The following TRPM6 variants were observed in gnomAD, a reference collection of about 807,000 sequenced individuals.
The protein encoded by TRPM6 is channel kinase 2.
TRPM6 carries 111 observed loss-of-function variants against 247.6 expected under a neutral mutation model. The ratio of observed to expected loss-of-function variants is 0.45; its 90% CI spans 0.38 to 0.52. The LOEUF is 0.52. Among genes scored for constraint, TRPM6 ranks in the 20% least tolerant of loss-of-function variants. TRPM6 has a pLI of 0.00. For synonymous variants in TRPM6, 892 were observed against 853.8 expected, an observed-to-expected ratio of 1.04 and a Z score of -0.78; for missense variants, 2,126 against 2,421.5, an observed-to-expected ratio of 0.88 and a Z score of 2.56.
intron 21 of TRPM6, among the ~76,000 whole-genome samples, chr9:74,784,028 A>G (rs1227649178): frequency 6.6e-6 from 1 of 152,050 alleles, no homozygotes; most frequent in Admixed American, 6.6e-5. Flanking sequence ...GGCCGAGGCG[A>G]GCGGATCACT....
chr9:74,784,897 A>T (rs1827592099), intron 21 of TRPM6, among the ~76,000 whole-genome samples: 1 of 152,124 alleles, frequency 6.6e-6, no homozygotes, highest in Non-Finnish European at 1.5e-5. Context: ...GGATCATTTG[A>T]GCTCAGGAGT....
chr9:74,742,194 T>G (rs1240727285), intron 33 of TRPM6, among the ~76,000 whole-genome samples: 1 of 152,256 alleles, frequency 6.6e-6, no homozygotes, highest in Admixed American at 6.5e-5. Context: ...TCTCTTCAGA[T>G]GCCTGTTGGC....
At chr9:74,862,704 G>A (rs767802203) in intron 1 of TRPM6, among the ~76,000 whole-genome samples, 28 of 152,152 alleles carry the variant, frequency 1.8e-4, no homozygotes, top group Non-Finnish European at 2.8e-4. Context: ...AAAATTGTCC[G>A]GGTGTGGTGG....
intron 2 of TRPM6, among the ~76,000 whole-genome samples, chr9:74,856,821 T>C (rs1359254253): frequency 1.3e-5 from 2 of 152,052 alleles, no homozygotes; most frequent in Non-Finnish European, 1.5e-5. Flanking sequence ...AAGCCTCAAT[T>C]CTGAGAATTT....
chr9:74,779,027 C>G (rs779098273), intron 23 of TRPM6, among the ~76,000 whole-genome samples: 3 of 152,134 alleles, frequency 2.0e-5, no homozygotes, highest in Non-Finnish European at 4.4e-5. Context: ...CCCCTGAGAG[C>G]AAACGGGCAG....
chr9:74,771,682 G>T, intron 25 of TRPM6, 21 bp downstream of exon 25: 1 of 1,611,270 alleles, frequency 6.2e-7, no homozygotes. Flanking sequence ...TTTCAGAATG[G>T]AAAAGATTTA....
intron 3 of TRPM6, among the ~76,000 whole-genome samples, chr9:74,851,000 T>G (rs1830290036): frequency 2.0e-5 from 3 of 152,238 alleles, no homozygotes; most frequent in South Asian, 2.1e-4. Flanking sequence ...TCTGGAGAGA[T>G]AACTCATTAT....
intron 36 of TRPM6, among the ~76,000 whole-genome samples, chr9:74,733,580 A>G (rs975877949): frequency 7.2e-5 from 11 of 152,236 alleles, no homozygotes; most frequent in African/African-American, 2.4e-4. Flanking sequence ...CCTCATTTAC[A>G]TCAATGAGTA....
At chr9:74,869,700 G>A (rs760962623) in intron 1 of TRPM6, among the ~76,000 whole-genome samples, 17 of 151,934 alleles carry the variant, frequency 1.1e-4, no homozygotes, top group Non-Finnish European at 2.4e-4. Flanking sequence ...TTTATTTTAT[G>A]TTGAGAAAAC....
chr9:74,751,995 G>A (rs907462842), intron 29 of TRPM6, among the ~76,000 whole-genome samples: 12 of 152,122 alleles, frequency 7.9e-5, no homozygotes, highest in African/African-American at 2.4e-4. Context: ...AAACAGTTTC[G>A]AAAACTCCTG....
At chr9:74,838,719 CATCTCGTGTAG>C (rs1829810936) in intron 5 of TRPM6, among the ~76,000 whole-genome samples, 1 of 151,380 alleles carries the variant, frequency 6.6e-6, no homozygotes, top group African/African-American at 2.4e-5. Flanking sequence ...AGTGCGTTGG[CATCTCGTGTAG>C]ATCTTAAAAC....
chr9:74,776,717 T>C (rs1047928833), intron 23 of TRPM6, among the ~76,000 whole-genome samples: 4 of 152,206 alleles, frequency 2.6e-5, no homozygotes, highest in South Asian at 2.1e-4. Flanking sequence ...GGGGTAATGA[T>C]TGGAGGTACA....
At chr9:74,799,368 C>T (rs901216979) in intron 17 of TRPM6, among the ~76,000 whole-genome samples, 1 of 151,894 alleles carries the variant, frequency 6.6e-6, no homozygotes, top group Non-Finnish European at 1.5e-5. Context: ...AACCTAAAGC[C>T]TTTAGACTTA....
Position 74,801,936 on chromosome 9 carries a change from C to T in TRPM6, c.1971G>A (p.Met657Ile). 2 of 1,614,218 alleles carry T rather than the reference C, an allele frequency of 1.2e-6. No individual in the cohort carries two copies. Among genetic ancestry groups the T allele is most frequent in the Non-Finnish European group, 8.5e-7 (1 of 1,180,040 alleles). Residue 657 changes from methionine (M) to isoleucine (I), a missense_variant, in exon 16 of 39, where the codon ATG becomes ATA. By Grantham distance (10) the Met-to-Ile change is conservative (BLOSUM62 1). Around this residue, in one of 3 missense-constraint regions of TRPM6, gnomAD observed 1,082 missense variants for 1,307.9 expected, o/e 0.83. Coordinates refer to ENST00000360774, the MANE Select transcript of TRPM6 (RefSeq NM_017662.5). Reference protein sequence around the residue: ...AMAHEAKESHMVDDASEELKN... With the variant: ...AMAHEAKESHIVDDASEELKN... Reference sequence around the variant, plus strand: ...TCAACTCTTCTGAGGCATCATCCACCATGTGACTCTCCTTAGCTTCATGGG... The same window carrying T: ...TCAACTCTTCTGAGGCATCATCCACTATGTGACTCTCCTTAGCTTCATGGG...
At chr9:74,822,844 A>T (rs1276872071) in intron 7 of TRPM6, among the ~76,000 whole-genome samples, 2 of 152,098 alleles carry the variant, frequency 1.3e-5, no homozygotes, top group African/African-American at 2.4e-5. Flanking sequence ...TATATTTTTT[A>T]AAAATATACT....
chr9:74,784,794 T>C (rs554073401), intron 21 of TRPM6, among the ~76,000 whole-genome samples: 61 of 152,266 alleles, frequency 4.0e-4, no homozygotes, highest in Non-Finnish European at 6.6e-4. Flanking sequence ...GGTGACATGA[T>C]CTTGCTCGCT....
chr9:74,875,339 T>TC (rs1323946168), intron 1 of TRPM6: 1 of 438,976 alleles, frequency 2.3e-6, no homozygotes, highest in African/African-American at 2.0e-5. Context: ...GGTCAGGAGT[T>TC]CGAGACCAGC....
At chr9:74,872,600 T>TGTGTGTGTGTG (rs145837742) in intron 1 of TRPM6, among the ~76,000 whole-genome samples, 5 of 150,090 alleles carry the variant, frequency 3.3e-5, no homozygotes, top group African/African-American at 9.8e-5. Context: ...CCAGCAAATT[T>TGTGTGTGTGTG]TGTGTGTGTG....
chr9:74,785,584 G>A (rs754610883), intron 21 of TRPM6, among the ~76,000 whole-genome samples: 8 of 151,998 alleles, frequency 5.3e-5, no homozygotes, highest in Non-Finnish European at 1.2e-4. Context: ...GTGCAGTGGC[G>A]CAATCTCGGC....
Sources: gnomAD v4.1 joint callset for allele counts (sites outside exome capture counted in the v4.1 genomes callset) on GRCh38, gnomAD v4.1.1 for gene constraint, gnomAD v4.1.1 regional missense constraint, MANE v1.5 for transcripts, NCBI Gene and HGNC (gene_info 2026-07-23, HGNC 2026-07-21) for gene names.